ZNF184: variants seen among roughly 807,000 people sequenced by gnomAD.
ZNF184 encodes zinc finger protein 184, also known as zinc finger protein 184 (Kruppel-like).
Under a neutral mutation model 54.4 loss-of-function variants are expected in ZNF184, and 16 were observed. That is an observed-to-expected ratio of 0.29 (90% confidence interval 0.20 to 0.45). ZNF184 has a LOEUF of 0.45. Among genes scored for constraint, ZNF184 ranks in the 20% least tolerant of loss-of-function variants. ZNF184 has a pLI of 1.00. For synonymous variants in ZNF184, 254 were observed against 295.3 expected (o/e 0.86, Z 1.43); for missense variants, 681 against 888.2 (o/e 0.77, Z 2.97).
At chr6:27,418,484 A>G in the ZNF184 span, among the ~76,000 whole-genome samples, 3 of 152,096 alleles carry the variant, frequency 2.0e-5, no homozygotes, top group Non-Finnish European at 4.4e-5. Context: ...TTTGTATTCG[A>G]CTTACAGTAT....
chr6:27,442,745 G>A, the ZNF184 span, among the ~76,000 whole-genome samples: 464 of 54,110 alleles, frequency 8.6e-3, no homozygotes, highest in Middle Eastern at 0.048. Flanking sequence ...GAAGGAGGGA[G>A]GGAGGGAGGG....
At chr6:27,413,842 T>C in the ZNF184 span, among the ~76,000 whole-genome samples, 1 of 152,194 alleles carries the variant, frequency 6.6e-6, no homozygotes, top group Non-Finnish European at 1.5e-5. Flanking sequence ...AAGTTTAGGG[T>C]TTGAAACTGG....
the ZNF184 span, among the ~76,000 whole-genome samples, chr6:27,442,687 A>AAG: frequency 7.2e-6 from 1 of 139,538 alleles, no homozygotes; most frequent in East Asian, 2.4e-4. Flanking sequence ...GAAAGAAAGA[A>AAG]AGAGAGAGAG....
chr6:27,438,018 T>C, the ZNF184 span, among the ~76,000 whole-genome samples: 1 of 152,228 alleles, frequency 6.6e-6, no homozygotes, highest in African/African-American at 2.4e-5. Flanking sequence ...ACAAACTCTT[T>C]GGGAATTCAC....
the ZNF184 span, among the ~76,000 whole-genome samples, chr6:27,424,068 T>C: frequency 6.6e-6 from 1 of 152,204 alleles, no homozygotes; most frequent in African/African-American, 2.4e-5. Flanking sequence ...GTGGCACGCC[T>C]GGAGTTTGTT....
rs60538455 is a variant in ZNF184 at position 27,465,484 on chromosome 6, CAAAAAAAAAAAAAA to C, written c.75+2355_75+2368del. ...TGGGCAACAGAAAGAGACTCCATCT[CAAAAAAAAAAAAAA>C]AAAAAAAAAAAGCAAAACCCAACTA... On this transcript the variant is annotated intron_variant, in intron 3 of 5. Coordinates refer to ENST00000683788, the MANE Select transcript of ZNF184 (RefSeq NM_001318891.2). Among the ~76,000 whole-genome samples, 5 of 35,170 alleles carry C rather than the reference CAAAAAAAAAAAAAA, an allele frequency of 1.4e-4. No individual in the cohort carries two copies. In the Admixed American group the frequency reaches 2.1e-3, roughly 15 times the overall value. 23.1% of individuals were successfully genotyped at this position (35,170 alleles called of 152,430 possible). A position where few individuals can be genotyped will look rare whatever the true frequency, so the allele number is the denominator to read the frequency against.
the ZNF184 span, among the ~76,000 whole-genome samples, chr6:27,424,767 A>G: frequency 6.6e-6 from 1 of 152,238 alleles, no homozygotes; most frequent in African/African-American, 2.4e-5. Flanking sequence ...GGCTTCACCC[A>G]GTGGACCCCG....
chr6:27,459,094 AGGCTAGGGAAAGACT>A (rs1333991114), intron 3 of ZNF184, among the ~76,000 whole-genome samples: 1 of 152,178 alleles, frequency 6.6e-6, no homozygotes, highest in Non-Finnish European at 1.5e-5. Context: ...AGAGGAGGGA[AGGCTAGGGAAAGACT>A]GGCTAACAGT....
At position 27,453,357 on chromosome 6, in the gene ZNF184, G is replaced by T; in HGVS notation, c.299-97C>A. The T allele has an allele frequency of 8.0e-7, 1 of 1,251,342 alleles. No individual in the cohort carries two copies. The allele number at this position is 1,251,342 out of a possible 1,614,324, so 77.5% of individuals were successfully genotyped here. The stretch of plus-strand genomic sequence containing the variant: ...ATGATACTGAAAAATAAATCTCTCA[G>T]AAAATTCTAATGGTTTTCAAATATA... On this transcript the variant is annotated intron_variant, in intron 5 of 5. Coordinates refer to ENST00000683788, the MANE Select transcript of ZNF184 (RefSeq NM_001318891.2). The surrounding 1 kb of genome is among the most constrained non-coding windows in gnomAD (Gnocchi z 4.7).
chr6:27,424,937 A>G, the ZNF184 span, among the ~76,000 whole-genome samples: 14 of 152,310 alleles, frequency 9.2e-5, no homozygotes, highest in East Asian at 2.7e-3. Context: ...TGGGAGGCTC[A>G]GGCATGGCGG....
intron 3 of ZNF184, among the ~76,000 whole-genome samples, chr6:27,458,266 A>C (rs1472193944): frequency 6.6e-6 from 1 of 150,794 alleles, no homozygotes; most frequent in Non-Finnish European, 1.5e-5. Flanking sequence ...CATCATAAAC[A>C]AAAGGCAATT....
At chr6:27,404,994 TAA>T in the ZNF184 span, 1 of 142,018 alleles carries the variant, frequency 7.0e-6, no homozygotes, top group Non-Finnish European at 1.5e-5. Flanking sequence ...GCATTCTGGG[TAA>T]AGAGTGAGAC....
At chr6:27,421,230 T>C in the ZNF184 span, among the ~76,000 whole-genome samples, 3 of 152,234 alleles carry the variant, frequency 2.0e-5, no homozygotes, top group Non-Finnish European at 4.4e-5. Flanking sequence ...ATCTCAACTA[T>C]GGACTGTGAG....
intron 5 of ZNF184, 78 bp downstream of exon 5, chr6:27,456,748 A>G (rs529169343): frequency 8.1e-7 from 1 of 1,235,850 alleles, no homozygotes; most frequent in Non-Finnish European, 1.2e-6. Flanking sequence ...GTACATCTAC[A>G]CTTCAGACAT....
At chr6:27,412,966 G>A in the ZNF184 span, among the ~76,000 whole-genome samples, 10 of 152,238 alleles carry the variant, frequency 6.6e-5, no homozygotes, top group African/African-American at 2.4e-4. Context: ...GCTAGGCGTG[G>A]TGGCTCATGC....
intron 5 of ZNF184, among the ~76,000 whole-genome samples, chr6:27,454,844 C>G (rs1462768356): frequency 6.6e-6 from 1 of 152,196 alleles, no homozygotes; most frequent in African/African-American, 2.4e-5. Flanking sequence ...CAGACATTGA[C>G]TATACTATTC....
chr6:27,463,181 C>T (rs903757064), intron 3 of ZNF184, among the ~76,000 whole-genome samples: 19 of 146,570 alleles, frequency 1.3e-4, no homozygotes, highest in African/African-American at 3.3e-4. Context: ...TGCTAAATGA[C>T]GAGTTAATGG....
chr6:27,467,541 G>GCGGAGAT (rs1763170859), intron 3 of ZNF184, among the ~76,000 whole-genome samples: 1 of 152,134 alleles, frequency 6.6e-6, no homozygotes, highest in South Asian at 2.1e-4. Context: ...GTTGCAGTGA[G>GCGGAGAT]CGGAGATCAC....
intron 2 of ZNF184, 48 bp from the exon 3 acceptor site, chr6:27,467,968 TC>T: frequency 7.2e-7 from 1 of 1,389,306 alleles, no homozygotes; most frequent in Non-Finnish European, 9.8e-7. Flanking sequence ...ATTTAGCCAT[TC>T]CCAGCAATCC....
Sources: gnomAD v4.1 joint callset for allele counts (sites outside exome capture counted in the v4.1 genomes callset) on GRCh38, gnomAD v4.1.1 for gene constraint, Gnocchi (gnomAD v3.1) non-coding constraint, MANE v1.5 for transcripts, NCBI Gene and HGNC (gene_info 2026-07-23, HGNC 2026-07-21) for gene names.